Variants in MARCHF1 observed in about 807,000 individuals in gnomAD.
MARCHF1 encodes E3 ubiquitin-protein ligase MARCHF1.
In MARCHF1, 40 loss-of-function variants were observed where a neutral mutation model predicts 54.2. The observed-to-expected ratio is 0.74, with a 90% CI of 0.57 to 0.96. The LOEUF (loss-of-function observed/expected upper bound fraction) is 0.96. Among genes scored for constraint, MARCHF1 ranks in the 40% least tolerant of loss-of-function variants. The pLI, the probability that MARCHF1 is intolerant of heterozygous loss-of-function variation, is 0.00. For synonymous variants in MARCHF1, 236 were observed against 236.3 expected (o/e 1.00, Z 0.01); for missense variants, 586 against 656.5 (o/e 0.89, Z 1.17).
chr4:163,700,901 T>C (rs763211208), intron 4 of MARCHF1, 38 bp from the exon 5 acceptor site: 180 of 1,434,728 alleles, frequency 1.3e-4, no homozygotes, highest in Non-Finnish European at 1.6e-4. Flanking sequence ...TAAAAGAAGG[T>C]ATGGTACTTT....
intron 4 of MARCHF1, among the ~76,000 whole-genome samples, 194 bp from the exon 5 acceptor site, chr4:163,701,057 G>C (rs2137141): frequency 0.33 from 50,894 of 151,964 alleles, 10,481 homozygotes; most frequent in Non-Finnish European, 0.47. Context: ...ATATATATTA[G>C]TGTACTTTAA....
At chr4:163,634,725 C>G (rs1197580510) in intron 5 of MARCHF1, among the ~76,000 whole-genome samples, 1 of 150,110 alleles carries the variant, frequency 6.7e-6, no homozygotes, top group Non-Finnish European at 1.5e-5. Flanking sequence ...AGGAATTGAG[C>G]TCAGCTCTGC....
At chr4:163,580,059 T>TTAA in intron 8 of MARCHF1, among the ~76,000 whole-genome samples, 1 of 142,682 alleles carries the variant, frequency 7.0e-6, no homozygotes, top group Non-Finnish European at 1.5e-5. Context: ...TAGAGCCTTA[T>TTAA]TTATTATTTA....
At chr4:163,811,575 G>C (rs1278482182) in intron 4 of MARCHF1, among the ~76,000 whole-genome samples, 1 of 152,086 alleles carries the variant, frequency 6.6e-6, no homozygotes, top group Non-Finnish European at 1.5e-5. Flanking sequence ...GGGAAATAAG[G>C]AATGGTAGAA....
chr4:164,098,747 A>G lies in MARCHF1; in HGVS notation c.-248+12841T>C, dbSNP rs191140383. On this transcript the variant is annotated intron_variant, in intron 2 of 9. Transcript: ENST00000514618. ...GAGCCTTGAATGTGATGTGAAAATT[A>G]TTTTGGCTGTCTTTATGCAATGGTT... 4.6e-4 allele frequency among the ~76,000 whole-genome samples: 70 copies of G among 152,298 alleles called. 1 individual carries two copies. Among genetic ancestry groups the G allele is most frequent in the Middle Eastern group, 3.4e-3 (1 of 294 alleles).
chr4:164,281,126 G>A (rs1215389798), intron 1 of MARCHF1, among the ~76,000 whole-genome samples: 1 of 152,104 alleles, frequency 6.6e-6, no homozygotes, highest in Admixed American at 6.6e-5. Context: ...TGATCTTCAG[G>A]TACATAGGCA....
intron 2 of MARCHF1, among the ~76,000 whole-genome samples, chr4:163,998,457 C>G (rs1421506487): frequency 1.3e-5 from 2 of 151,518 alleles, no homozygotes; most frequent in African/African-American, 4.8e-5. Context: ...GAGATAATGG[C>G]TGTTGAGCTA....
chr4:163,866,372 A>G (rs1234365806), intron 3 of MARCHF1, among the ~76,000 whole-genome samples: 4 of 150,068 alleles, frequency 2.7e-5, no homozygotes, highest in African/African-American at 9.7e-5. Context: ...TCAGGTTTCA[A>G]AATATACATG....
rs549484534 is a variant in MARCHF1 at position 164,119,869 on chromosome 4, C to A, written c.-322-8207G>T. On this transcript the variant is annotated intron_variant, in intron 1 of 9. Coordinates refer to ENST00000514618, the MANE Select transcript of MARCHF1 (RefSeq NM_001394959.1). ...AAAGTTATAAAATAAATACCATGCA[C>A]AAAAGAACAAGAATCAGATTTTTTC... Among the ~76,000 whole-genome samples, 18 of 151,788 alleles carry A rather than the reference C, an allele frequency of 1.2e-4. No homozygotes were observed. The East Asian group carries it at 3.3e-3, about 28-fold the overall frequency.
At chr4:163,918,422 T>A (rs1751356607) in intron 3 of MARCHF1, among the ~76,000 whole-genome samples, 1 of 152,108 alleles carries the variant, frequency 6.6e-6, no homozygotes, top group Admixed American at 6.6e-5. Context: ...CACACACAGT[T>A]AGGGAGAGAA....
intron 1 of MARCHF1, among the ~76,000 whole-genome samples, chr4:164,378,465 G>A (rs561090919): frequency 7.2e-5 from 11 of 152,326 alleles, no homozygotes; most frequent in Admixed American, 2.0e-4. Context: ...AAAGAAGAGC[G>A]GATTCTCAGG....
chr4:164,022,146 G>A (rs1753680215), intron 2 of MARCHF1, among the ~76,000 whole-genome samples: 1 of 152,026 alleles, frequency 6.6e-6, no homozygotes, highest in Non-Finnish European at 1.5e-5. Flanking sequence ...CATTGATTGT[G>A]CAATATCTCT....
At chr4:164,099,595 T>G (rs1217215212) in intron 2 of MARCHF1, among the ~76,000 whole-genome samples, 1 of 152,170 alleles carries the variant, frequency 6.6e-6, no homozygotes, top group African/African-American at 2.4e-5. Context: ...AAACTTCTTT[T>G]CAATATCAAA....
At chr4:163,741,754 T>C (rs1296508773) in intron 4 of MARCHF1, among the ~76,000 whole-genome samples, 2 of 151,668 alleles carry the variant, frequency 1.3e-5, no homozygotes, top group African/African-American at 2.4e-5. Flanking sequence ...GGATAAGGAG[T>C]GTGTTGTCTT....
At chr4:163,596,532 T>G (rs1194567424) in intron 7 of MARCHF1, among the ~76,000 whole-genome samples, 1 of 99,644 alleles carries the variant, frequency 1.0e-5, no homozygotes, top group East Asian at 2.7e-4. Context: ...AGTGTGAGGC[T>G]GTCTCAAAAA....
rs549186893 is a variant in MARCHF1, at chr4:163,541,192, T to C, written c.1339+4404A>G. 4.7e-4 allele frequency among the ~76,000 whole-genome samples: 71 copies of C among 152,364 alleles called. 1 individual carries two copies. The highest frequency in any genetic ancestry group is 1.7e-3 in the African/African-American group (69 of 41,586). ...GCCTCTACTAACACCAAGTATTTTC[T>C]GAATAATGAGGCAAGGCCTCTGCCC... is the stretch of plus-strand genomic sequence containing the variant. On this transcript the variant is annotated intron_variant, in intron 9 of 9. Coordinates refer to ENST00000514618, the MANE Select transcript of MARCHF1 (RefSeq NM_001394959.1).
chr4:164,142,240 T>G (rs967975430), intron 1 of MARCHF1, among the ~76,000 whole-genome samples: 2 of 152,120 alleles, frequency 1.3e-5, no homozygotes, highest in Admixed American at 6.5e-5. Flanking sequence ...CAGCCAGGCT[T>G]GGGGAGGGGC....
intron 4 of MARCHF1, among the ~76,000 whole-genome samples, chr4:163,811,836 T>G (rs1748396961): frequency 6.6e-6 from 1 of 152,168 alleles, no homozygotes; most frequent in Non-Finnish European, 1.5e-5. Flanking sequence ...GACATTAATT[T>G]TATGTGTCCA....
rs1015442439 is a variant in MARCHF1 at position 163,547,954 on chromosome 4, CAA to C, written c.1192-2213_1192-2212del. ...TATTTATATATTATTCCAAGCATAA[CAA>C]AGGGTAAATATTAATAATGTGATTA... On this transcript the variant is annotated intron_variant, in intron 8 of 9. Coordinates refer to ENST00000514618, the MANE Select transcript of MARCHF1 (RefSeq NM_001394959.1). 5.9e-5 allele frequency among the ~76,000 whole-genome samples: 9 copies of C among 152,146 alleles called. 1 individual carries two copies. The Middle Eastern group carries it at 0.01, about 173-fold the overall frequency.
Sources: allele counts gnomAD v4.1 joint callset (sites outside exome capture counted in the v4.1 genomes callset), GRCh38; gene constraint gnomAD v4.1.1; transcripts MANE v1.5; gene names NCBI Gene and HGNC (gene_info 2026-07-23, HGNC 2026-07-21).